The following PPFIA2 variants were observed in gnomAD, a reference collection of about 807,000 sequenced individuals.
PPFIA2 encodes PPFI scaffold protein A2.
In PPFIA2, 46 loss-of-function variants were observed where a neutral mutation model predicts 175.5. The ratio of observed to expected loss-of-function variants is 0.26; its 90% CI spans 0.21 to 0.34. The LOEUF (loss-of-function observed/expected upper bound fraction) is 0.34, where lower values mean the gene tolerates loss of function less well. Among genes scored for constraint, PPFIA2 ranks in the 10% least tolerant of loss-of-function variants. The pLI is 1.00. For missense variants in PPFIA2, 1,179 were observed against 1,506.1 expected (o/e 0.78, Z 3.60); for synonymous variants, 568 against 511.4 (o/e 1.11, Z -1.49).
intron 3 of PPFIA2, among the ~76,000 whole-genome samples, chr12:81,697,518 A>AGTG (rs1567905024): frequency 6.6e-6 from 1 of 152,158 alleles, no homozygotes; most frequent in Non-Finnish European, 1.5e-5. Flanking sequence ...TCAGCTAAAA[A>AGTG]ATCTATACAG....
Position 81,555,128 on chromosome 12 carries a change from G to T in PPFIA2, c.304-97262C>A, listed in dbSNP as rs1437917962. On this transcript the variant is annotated intron_variant, in intron 4 of 32. Transcript: ENST00000549396. ...GCTATATTTTATGTCTGCCTTCAAG[G>T]TATTCACTATATAGATGAGAAGATT... Among the ~76,000 whole-genome samples, 5 of 152,032 alleles carry T rather than the reference G, an allele frequency of 3.3e-5. No homozygotes were observed. The South Asian group carries it at 1.0e-3, about 32-fold the overall frequency.
intron 4 of PPFIA2, among the ~76,000 whole-genome samples, chr12:81,516,468 G>T (rs2062453930): frequency 1.3e-5 from 2 of 152,060 alleles, no homozygotes; most frequent in Non-Finnish European, 2.9e-5. Context: ...TTTAAAGTTT[G>T]AACCTATTTG....
intron 4 of PPFIA2, among the ~76,000 whole-genome samples, chr12:81,521,581 G>A (rs1462082377): frequency 6.6e-6 from 1 of 150,970 alleles, no homozygotes; most frequent in African/African-American, 2.4e-5. Context: ...ACTTTGGGAC[G>A]CCGAGGCGGG....
chr12:81,471,733 T>C (rs1003355819), intron 4 of PPFIA2, among the ~76,000 whole-genome samples: 3 of 152,196 alleles, frequency 2.0e-5, no homozygotes, highest in Non-Finnish European at 4.4e-5. Context: ...CTATTTTCCA[T>C]AGTGGCTGTA....
intron 7 of PPFIA2, among the ~76,000 whole-genome samples, chr12:81,408,236 CTT>C (rs1040050596): frequency 1.3e-5 from 2 of 152,060 alleles, no homozygotes; most frequent in African/African-American, 4.8e-5. Context: ...ATATTACACT[CTT>C]AACTTATTGC....
intron 22 of PPFIA2, among the ~76,000 whole-genome samples, chr12:81,315,524 T>G (rs1446096658): frequency 1.3e-5 from 2 of 151,692 alleles, no homozygotes; most frequent in African/African-American, 4.8e-5. Flanking sequence ...AAAAAGTTCA[T>G]AAAGCAAGAT....
chr12:81,337,185 T>G (rs180894433), intron 21 of PPFIA2, among the ~76,000 whole-genome samples: 39 of 152,306 alleles, frequency 2.6e-4, no homozygotes, highest in Admixed American at 7.9e-4. Context: ...GAAGCTTTGA[T>G]TCACCATTTA....
chr12:81,495,058 C>T (rs1307276595), intron 4 of PPFIA2, among the ~76,000 whole-genome samples: 4 of 151,568 alleles, frequency 2.6e-5, no homozygotes, highest in Non-Finnish European at 5.9e-5. Flanking sequence ...CTAACCTGCA[C>T]ATTGTGCACA....
chr12:81,437,138 C>A (rs149883006), intron 7 of PPFIA2, among the ~76,000 whole-genome samples: 1 of 152,188 alleles, frequency 6.6e-6, no homozygotes, highest in Non-Finnish European at 1.5e-5. Flanking sequence ...AGAAAACAGT[C>A]GTAAATCTTT....
intron 9 of PPFIA2, among the ~76,000 whole-genome samples, chr12:81,378,737 G>A (rs2036959532): frequency 6.6e-6 from 1 of 152,086 alleles, no homozygotes; most frequent in Non-Finnish European, 1.5e-5. Flanking sequence ...CAGCAATAAA[G>A]TCAATAAAAG....
intron 22 of PPFIA2, among the ~76,000 whole-genome samples, chr12:81,306,189 C>T (rs2049098190): frequency 6.6e-6 from 1 of 152,020 alleles, no homozygotes; most frequent in Admixed American, 6.6e-5. Context: ...TTTAATTGGT[C>T]CTTCTCTCCA....
intron 3 of PPFIA2, among the ~76,000 whole-genome samples, chr12:81,688,027 G>A (rs1223287185): frequency 6.6e-6 from 1 of 151,926 alleles, no homozygotes; most frequent in East Asian, 1.9e-4. Flanking sequence ...TATTTTGCCT[G>A]AAAGGGAAGG....
chr12:81,605,745 C>T (rs2060242822), intron 4 of PPFIA2, among the ~76,000 whole-genome samples: 2 of 151,720 alleles, frequency 1.3e-5, no homozygotes, highest in South Asian at 2.1e-4. Flanking sequence ...TATTTATCCA[C>T]TTCTAACAGT....
At chr12:81,740,234 C>T (rs1252274738) in intron 3 of PPFIA2, among the ~76,000 whole-genome samples, 1 of 152,062 alleles carries the variant, frequency 6.6e-6, no homozygotes, top group East Asian at 1.9e-4. Flanking sequence ...TTTAAATTAT[C>T]AGTGTCACAA....
intron 30 of PPFIA2, among the ~76,000 whole-genome samples, chr12:81,263,796 T>C (rs2036392875): frequency 6.6e-6 from 1 of 152,226 alleles, no homozygotes. Flanking sequence ...CACACTTGAA[T>C]GAAATGACTT....
At chr12:81,390,943 CAT>C (rs1404238553) in intron 8 of PPFIA2, among the ~76,000 whole-genome samples, 6 of 151,542 alleles carry the variant, frequency 4.0e-5, no homozygotes, top group African/African-American at 1.5e-4. Flanking sequence ...AATGGTGTCT[CAT>C]ATGTTAAATT....
chr12:81,355,587 G>C (rs949346680), intron 16 of PPFIA2, among the ~76,000 whole-genome samples: 3 of 152,310 alleles, frequency 2.0e-5, no homozygotes, highest in East Asian at 1.9e-4. Flanking sequence ...CCATCGTTTA[G>C]TGTAGTCATC....
Position 81,747,441 on chromosome 12 carries a change from G to A in PPFIA2, c.249+6532C>T, listed in dbSNP as rs1490893953. Among the ~76,000 whole-genome samples the A allele has an allele frequency of 1.4e-5, 2 of 143,874 alleles. 1 individual carries two copies. Among genetic ancestry groups the A allele is most frequent in the Non-Finnish European group, 3.1e-5 (2 of 64,182 alleles). The allele number at this position is 143,874 out of a possible 152,430, so 94.4% of individuals were successfully genotyped here. A position where few individuals can be genotyped will look rare whatever the true frequency, so the allele number is the denominator to read the frequency against. ...CCTTTAAAATTTGATAAAGATTGAA[G>A]AGAGTAAGGATTTTTAATGCTCTCA... is the stretch of plus-strand genomic sequence containing the variant. On this transcript the variant is annotated intron_variant, in intron 3 of 32. Coordinates refer to ENST00000549396, the MANE Select transcript of PPFIA2 (RefSeq NM_003625.5).
intron 4 of PPFIA2, among the ~76,000 whole-genome samples, chr12:81,512,624 G>T (rs2147837529): frequency 6.6e-6 from 1 of 151,814 alleles, no homozygotes; most frequent in African/African-American, 2.4e-5. Context: ...CTGAGATTTT[G>T]GTGCACCTGT....
Sources: gnomAD v4.1 joint callset for allele counts (sites outside exome capture counted in the v4.1 genomes callset) on GRCh38, gnomAD v4.1.1 for gene constraint, MANE v1.5 for transcripts, NCBI Gene and HGNC (gene_info 2026-07-23, HGNC 2026-07-21) for gene names.